SLC15A1: variants seen among roughly 807,000 people sequenced by gnomAD.
SLC15A1 encodes Caco-2 oligopeptide transporter.
Under a neutral mutation model 92.9 loss-of-function variants are expected in SLC15A1, and 83 were observed. The observed-to-expected ratio is 0.89, with a 90% confidence interval of 0.75 to 1.07. SLC15A1 has a LOEUF of 1.07. Among genes scored for constraint, SLC15A1 ranks in the 50% least tolerant of loss-of-function variants. SLC15A1 has a pLI of 0.00. For synonymous variants in SLC15A1, 322 were observed against 318.2 expected (o/e 1.01, Z -0.13); for missense variants, 857 against 880.1 (o/e 0.97, Z 0.33).
intron 18 of SLC15A1, 25 bp from the exon 19 acceptor site, chr13:98,688,602 G>T: frequency 6.6e-7 from 1 of 1,518,988 alleles, no homozygotes; most frequent in Non-Finnish European, 9.1e-7. Context: ...CATCTGTCTT[G>T]TAACTGAACT....
chr13:98,731,378 A>G (rs2088349235), intron 1 of SLC15A1, among the ~76,000 whole-genome samples: 1 of 152,236 alleles, frequency 6.6e-6, no homozygotes, highest in South Asian at 2.1e-4. Context: ...CTGAAGGTGC[A>G]AAGCGTCATT....
chr13:98,741,658 A>G (rs979141101), intron 1 of SLC15A1, among the ~76,000 whole-genome samples: 8 of 136,976 alleles, frequency 5.8e-5, no homozygotes, highest in African/African-American at 2.2e-4. Context: ...CAGGAGGTGG[A>G]GGTTGCAGTG....
At chr13:98,746,658 C>A (rs1449473272) in intron 1 of SLC15A1, among the ~76,000 whole-genome samples, 5 of 152,202 alleles carry the variant, frequency 3.3e-5, no homozygotes, top group Admixed American at 1.3e-4. Context: ...AGTTTGAGAA[C>A]TTTTAACGAG....
Position 98,719,222 on chromosome 13 carries a change from C to A in SLC15A1, c.640+15G>T. The A allele has an allele frequency of 1.2e-6, 2 of 1,603,610 alleles. No individual in the cohort carries two copies. Among genetic ancestry groups the A allele is most frequent in the Non-Finnish European group, 1.7e-6 (2 of 1,171,266 alleles). ...TGGTCCTAGGCTTCTATTAATTCAA[C>A]CGATTTCCACTTACTCAGGGCTACA... On this transcript the variant is annotated intron_variant, in intron 8 of 22. Transcript: ENST00000376503.
intron 1 of SLC15A1, among the ~76,000 whole-genome samples, chr13:98,734,793 A>G (rs1352376046): frequency 3.9e-5 from 6 of 152,190 alleles, no homozygotes; most frequent in Admixed American, 2.6e-4. Flanking sequence ...CCAGGAAGAC[A>G]TTGAATCCCT....
At chr13:98,700,523 A>C (rs1458870884) in intron 18 of SLC15A1, among the ~76,000 whole-genome samples, 1 of 148,618 alleles carries the variant, frequency 6.7e-6, no homozygotes. Context: ...ACATCGACAG[A>C]ACAAACATTT....
chr13:98,702,989 A>AAG (rs1555322598), intron 17 of SLC15A1, among the ~76,000 whole-genome samples: 7 of 143,930 alleles, frequency 4.9e-5, no homozygotes, highest in African/African-American at 1.9e-4. Context: ...AAAAAAAAAA[A>AAG]AAAAGAAAAG....
At chr13:98,696,624 G>A (rs1236383790) in intron 18 of SLC15A1, among the ~76,000 whole-genome samples, 1 of 152,128 alleles carries the variant, frequency 6.6e-6, no homozygotes, top group African/African-American at 2.4e-5. Flanking sequence ...CAAAGACCAG[G>A]ACAGGACCGG....
intron 17 of SLC15A1, 126 bp from the exon 18 acceptor site, chr13:98,702,655 A>T: frequency 1.3e-6 from 1 of 771,322 alleles, no homozygotes; most frequent in Non-Finnish European, 2.2e-6. Flanking sequence ...GGACATGGTT[A>T]CATTAGAAGG....
Position 98,686,295 on chromosome 13 carries a change from A to G in SLC15A1, c.1830T>C (p.Ala610=). The G allele has an allele frequency of 6.2e-7, 1 of 1,605,294 alleles. No homozygotes were observed. Among genetic ancestry groups the G allele is most frequent in the Non-Finnish European group, 8.5e-7 (1 of 1,175,516 alleles). Residue 610 remains alanine, a splice_region_variant and synonymous_variant, in exon 22 of 23, where the codon GCT becomes GCC. Transcript: ENST00000376503. ...VTGLEFSYSQ[A]PSNMKSVLQA... is the part of the protein sequence containing the mutation. Reference sequence around the variant, plus strand: ...GAAGCACCGACTTCATGTTGGAAGGAGCCTGAGGAAGCAAAGCAAAGTGAG... The same window carrying G: ...GAAGCACCGACTTCATGTTGGAAGGGGCCTGAGGAAGCAAAGCAAAGTGAG...
At position 98,735,150 on chromosome 13, in the gene SLC15A1, T is replaced by G. The variant is rs556210871; in HGVS notation, c.5-8291A>C. On this transcript the variant is annotated intron_variant, in intron 1 of 22. Coordinates refer to ENST00000376503, the MANE Select transcript of SLC15A1 (RefSeq NM_005073.4). ...AAAAGCTTATCCACCATGATCAAGTTGGCTTCATCCATGGGTTGCAAGGCT... is the reference window on the plus strand; with the variant it reads ...AAAAGCTTATCCACCATGATCAAGTGGGCTTCATCCATGGGTTGCAAGGCT... 4.6e-5 allele frequency among the ~76,000 whole-genome samples: 7 copies of G among 152,286 alleles called. No homozygotes were observed. The East Asian group carries it at 7.7e-4, about 17-fold the overall frequency.
intron 1 of SLC15A1, among the ~76,000 whole-genome samples, chr13:98,738,160 G>T (rs1026414349): frequency 6.6e-6 from 1 of 152,344 alleles, no homozygotes; most frequent in East Asian, 1.9e-4. Flanking sequence ...TCATAGGTGG[G>T]AGCAAATAAA....
At chr13:98,714,152 T>C (rs1451605000) in intron 9 of SLC15A1, among the ~76,000 whole-genome samples, 2 of 152,198 alleles carry the variant, frequency 1.3e-5, no homozygotes, top group East Asian at 1.9e-4. Flanking sequence ...TAGCTTGAAG[T>C]TGTTCTTCTG....
At chr13:98,702,618 G>T (rs2088077114) in intron 17 of SLC15A1, 89 bp from the exon 18 acceptor site, 2 of 1,095,660 alleles carry the variant, frequency 1.8e-6, no homozygotes, top group African/African-American at 1.6e-5. Context: ...TTGAGAAGGT[G>T]GTATTGACAC....
chr13:98,692,258 A>G (rs1361343070), intron 18 of SLC15A1, among the ~76,000 whole-genome samples: 1 of 148,734 alleles, frequency 6.7e-6, no homozygotes, highest in Non-Finnish European at 1.5e-5. Flanking sequence ...GGCTCAAACA[A>G]TCCTCTCACC....
At chr13:98,711,139 C>T (rs963194588) in intron 11 of SLC15A1, among the ~76,000 whole-genome samples, 1 of 152,208 alleles carries the variant, frequency 6.6e-6, no homozygotes, top group Non-Finnish European at 1.5e-5. Context: ...TATCACCATC[C>T]TCCCTGCTCA....
At chr13:98,729,942 G>A (rs903760469) in intron 1 of SLC15A1, among the ~76,000 whole-genome samples, 3 of 152,054 alleles carry the variant, frequency 2.0e-5, no homozygotes, top group Non-Finnish European at 4.4e-5. Flanking sequence ...GCATTTTAGG[G>A]CCGGGCGTGG....
At chr13:98,749,741 A>C (rs2088526852) in intron 1 of SLC15A1, among the ~76,000 whole-genome samples, 1 of 152,224 alleles carries the variant, frequency 6.6e-6, no homozygotes, top group Non-Finnish European at 1.5e-5. Context: ...CTCATGGGCT[A>C]CATCTGGCCC....
At chr13:98,739,527 T>C (rs1011201206) in intron 1 of SLC15A1, among the ~76,000 whole-genome samples, 3 of 152,192 alleles carry the variant, frequency 2.0e-5, no homozygotes, top group African/African-American at 7.2e-5. Flanking sequence ...TAGTGAGTTC[T>C]CATGAGATCT....
Sources: allele counts gnomAD v4.1 joint callset (sites outside exome capture counted in the v4.1 genomes callset), GRCh38; gene constraint gnomAD v4.1.1; transcripts MANE v1.5; gene names NCBI Gene and HGNC (gene_info 2026-07-23, HGNC 2026-07-21).